Variants in KIAA0319L observed in about 807,000 individuals in gnomAD.
The protein encoded by KIAA0319L is dyslexia-associated protein KIAA0319-like protein.
Under a neutral mutation model 120.1 loss-of-function variants are expected in KIAA0319L, and 55 were observed. The observed-to-expected ratio is 0.46, with a 90% CI of 0.37 to 0.57. The LOEUF (loss-of-function observed/expected upper bound fraction) is 0.57, where lower values mean the gene tolerates loss of function less well. Ranked by LOEUF, KIAA0319L falls within the 20% of genes least tolerant of loss-of-function variation. KIAA0319L has a pLI of 0.00. For missense variants in KIAA0319L, 1,049 were observed against 1,255.3 expected (o/e 0.84, Z 2.48); for synonymous variants, 398 against 471.9 (o/e 0.84, Z 2.03).
At chr1:35,510,626 A>ATTTG (rs1464473477) in intron 2 of KIAA0319L, 21 of 150,370 alleles carry the variant, frequency 1.4e-4, no homozygotes, top group African/African-American at 5.2e-4. Context: ...TTATTTATTT[A>ATTTG]GAGACAGGTT....
At chr1:35,443,166 T>C (rs936027666) in intron 17 of KIAA0319L, 138 bp from the exon 18 acceptor site, 5 of 975,778 alleles carry the variant, frequency 5.1e-6, no homozygotes, top group Non-Finnish European at 7.6e-6. Flanking sequence ...ACCTTGGGCA[T>C]GGTGCCTGCC....
intron 3 of KIAA0319L, among the ~76,000 whole-genome samples, chr1:35,493,986 G>A (rs1359356890): frequency 7.5e-6 from 1 of 133,114 alleles, no homozygotes; most frequent in Non-Finnish European, 1.7e-5. Context: ...TTATTAGGCT[G>A]TTGAGTTTCT....
intron 10 of KIAA0319L, chr1:35,454,810 C>T (rs990500964): frequency 8.5e-6 from 2 of 234,170 alleles, no homozygotes; most frequent in Non-Finnish European, 1.7e-5. Context: ...GAAAGAATAC[C>T]GTGAACAAAC....
intron 2 of KIAA0319L, among the ~76,000 whole-genome samples, chr1:35,547,445 A>T (rs1490538528): frequency 1.3e-5 from 2 of 152,054 alleles, no homozygotes; most frequent in Non-Finnish European, 2.9e-5. Flanking sequence ...CATAAATGTT[A>T]AGAGCAACAT....
At chr1:35,439,832 C>A (rs1641070668) in intron 20 of KIAA0319L, 1 of 152,100 alleles carries the variant, frequency 6.6e-6, no homozygotes, top group South Asian at 2.1e-4. Flanking sequence ...CTGGATGAAC[C>A]AGAAGAACTT....
rs555408907 is a variant in KIAA0319L at position 35,483,928 on chromosome 1, C to T, written c.667-4716G>A. On this transcript the variant is annotated intron_variant, in intron 3 of 20. Coordinates refer to ENST00000325722, the MANE Select transcript of KIAA0319L (RefSeq NM_024874.5). ...GAGGCTCTTAGCATTCCTTGGCTTG[C>T]GGCAACCTAACTCTACTCTTCACGT... 7.9e-5 allele frequency among the ~76,000 whole-genome samples: 12 copies of T among 152,252 alleles called. No homozygotes were observed. In the South Asian group the frequency reaches 1.7e-3, roughly 21 times the overall value.
In KIAA0319L at chr1:35,454,441, T is replaced by G; in HGVS notation, c.1701A>C (p.Gly567=). The G allele has an allele frequency of 6.2e-7, 1 of 1,614,092 alleles. No homozygotes were observed. Residue 567 remains glycine (G), a synonymous_variant, in exon 11 of 21, where the codon GGA becomes GGC. Coordinates refer to ENST00000325722, the MANE Select transcript of KIAA0319L (RefSeq NM_024874.5). ...PTLQLSAMQE[G]DYTYQLTVTD... ...TCACTGTGAGCTGGTAAGTGTAGTCTCCTTCTTGCATCGCAGAGAGCTGTA... is the reference window on the plus strand; with the variant it reads ...TCACTGTGAGCTGGTAAGTGTAGTCGCCTTCTTGCATCGCAGAGAGCTGTA...
At chr1:35,557,421 C>G (rs536895233), upstream of KIAA0319L, 11 of 332,476 alleles carry the variant, frequency 3.3e-5, no homozygotes, top group East Asian at 8.8e-4. Flanking sequence ...CCTCCCACCT[C>G]CCCGGGACCG....
chr1:35,507,445 A>T (rs1446892334), intron 2 of KIAA0319L, among the ~76,000 whole-genome samples: 1 of 150,740 alleles, frequency 6.6e-6, no homozygotes, highest in Non-Finnish European at 1.5e-5. Flanking sequence ...AAAACAAAAA[A>T]AGAGGTATTC....
chr1:35,521,359 G>A (rs1488331111), intron 2 of KIAA0319L, among the ~76,000 whole-genome samples: 4 of 151,758 alleles, frequency 2.6e-5, no homozygotes, highest in Non-Finnish European at 5.9e-5. Flanking sequence ...ATAAAGCCGG[G>A]CGCAGTGGCT....
chr1:35,450,103 G>T, intron 14 of KIAA0319L, 98 bp from the exon 15 acceptor site: 1 of 1,440,294 alleles, frequency 6.9e-7, no homozygotes, highest in Non-Finnish European at 9.7e-7. Flanking sequence ...CTTCAGGGCT[G>T]AACTGTTTCA....
intron 3 of KIAA0319L, among the ~76,000 whole-genome samples, chr1:35,496,661 G>A (rs1006253088): frequency 2.0e-5 from 3 of 151,946 alleles, no homozygotes; most frequent in Non-Finnish European, 4.4e-5. Context: ...CAGCTACTAG[G>A]TGCTGGGTAC....
chr1:35,531,685 C>A (rs566956377), intron 2 of KIAA0319L, among the ~76,000 whole-genome samples: 1 of 152,146 alleles, frequency 6.6e-6, no homozygotes, highest in Non-Finnish European at 1.5e-5. Flanking sequence ...TCTGTCTCCA[C>A]GTTGGGAAGC....
At chr1:35,553,222 T>C (rs555027925) in intron 2 of KIAA0319L, among the ~76,000 whole-genome samples, 1 of 152,212 alleles carries the variant, frequency 6.6e-6, no homozygotes, top group South Asian at 2.1e-4. Context: ...CAAGACCCCA[T>C]CTCTTTTTTT....
chr1:35,534,582 G>A (rs1239967187), intron 2 of KIAA0319L, among the ~76,000 whole-genome samples: 4 of 152,108 alleles, frequency 2.6e-5, no homozygotes, highest in Non-Finnish European at 2.9e-5. Flanking sequence ...ATCGGTGGCC[G>A]GGCGCAGTGG....
intron 20 of KIAA0319L, chr1:35,440,185 T>C (rs1641097913): frequency 6.6e-6 from 1 of 152,156 alleles, no homozygotes; most frequent in Non-Finnish European, 1.5e-5. Flanking sequence ...ATCGAGCTGC[T>C]TGGTGCAGAG....
chr1:35,530,402 C>G (rs1646319475), intron 2 of KIAA0319L, among the ~76,000 whole-genome samples: 1 of 152,132 alleles, frequency 6.6e-6, no homozygotes, highest in Admixed American at 6.6e-5. Flanking sequence ...TTATTTCATT[C>G]ACTAAGTTCT....
intron 2 of KIAA0319L, among the ~76,000 whole-genome samples, chr1:35,544,622 T>C (rs930296681): frequency 6.6e-6 from 1 of 152,220 alleles, no homozygotes; most frequent in African/African-American, 2.4e-5. Flanking sequence ...AGGTACATTA[T>C]CTTTAATCCA....
intron 12 of KIAA0319L, among the ~76,000 whole-genome samples, chr1:35,452,644 G>A (rs924858008): frequency 6.6e-6 from 1 of 152,140 alleles, no homozygotes; most frequent in Non-Finnish European, 1.5e-5. Context: ...AGGTCTATCA[G>A]CCATATCTTC....
Sources: gnomAD v4.1 joint callset for allele counts (sites outside exome capture counted in the v4.1 genomes callset) on GRCh38, gnomAD v4.1.1 for gene constraint, MANE v1.5 for transcripts, NCBI Gene and HGNC (gene_info 2026-07-23, HGNC 2026-07-21) for gene names.